RBFOX2: variants seen among roughly 807,000 people sequenced by gnomAD.
RBFOX2 encodes RNA binding protein fox-1 homolog 2.
Under a neutral mutation model 49.1 loss-of-function variants are expected in RBFOX2, and 10 were observed. The observed-to-expected ratio is 0.20, with a 90% CI of 0.13 to 0.35. The LOEUF (loss-of-function observed/expected upper bound fraction) is 0.35. Ranked by LOEUF, RBFOX2 falls within the 10% of genes least tolerant of loss-of-function variation. The pLI is 1.00. For synonymous variants in RBFOX2, 183 were observed against 187.4 expected, an observed-to-expected ratio of 0.98 and a Z score of 0.19; for missense variants, 323 against 486.9, an observed-to-expected ratio of 0.66 and a Z score of 3.17.
rs1491288720 is a variant in RBFOX2, at chr22:35,877,302, AAG to A, written c.-34+61543_-34+61544del. Among the ~76,000 whole-genome samples, 9 of 152,340 alleles carry A rather than the reference AAG, an allele frequency of 5.9e-5. No individual in the cohort carries two copies. In the East Asian group the frequency reaches 9.6e-4, roughly 16 times the overall value. On this transcript the variant is annotated intron_variant, in intron 1 of 13. Coordinates refer to the RBFOX2 transcript ENST00000359369. ...GGAAGGGAGAAAGGAAGAGAAAAAAAAGAGGGGAAAATGTGGATATATAAAAG... is the reference window on the plus strand; with the variant it reads ...GGAAGGGAGAAAGGAAGAGAAAAAAAAGGGGAAAATGTGGATATATAAAAG...
intron 1 of RBFOX2, among the ~76,000 whole-genome samples, chr22:35,904,408 C>A (rs1044504820): frequency 6.6e-6 from 1 of 152,178 alleles, no homozygotes; most frequent in Admixed American, 6.5e-5. Flanking sequence ...TATCCTTTGA[C>A]TTTTTGTTAG....
chr22:35,927,843 T>A (rs2051858050), intron 1 of RBFOX2, among the ~76,000 whole-genome samples: 1 of 152,176 alleles, frequency 6.6e-6, no homozygotes, highest in Non-Finnish European at 1.5e-5. Flanking sequence ...AAGACCTCTT[T>A]TTCTTGGAGA....
In RBFOX2 at chr22:35,753,397, G is replaced by A. The variant is rs190403074; in HGVS notation, c.887+6491C>T. Among the ~76,000 whole-genome samples the A allele has an allele frequency of 3.3e-5, 5 of 152,314 alleles. No homozygotes were observed. The East Asian group carries it at 9.6e-4, about 29-fold the overall frequency. The stretch of plus-strand genomic sequence containing the variant: ...CAGTTGTATTAGGCCTAACTCAGTA[G>A]TTACCTCATAAAGTATTCTTGCTTT... On this transcript the variant is annotated intron_variant, in intron 9 of 11. Transcript: ENST00000405409.
chr22:35,977,508 A>T (rs977754868), intron 1 of RBFOX2, among the ~76,000 whole-genome samples: 8 of 151,970 alleles, frequency 5.3e-5, no homozygotes, highest in African/African-American at 1.9e-4. Flanking sequence ...TGGCAAAATC[A>T]TAGGAACAGA....
intron 9 of RBFOX2, among the ~76,000 whole-genome samples, chr22:35,752,017 G>A (rs189681777): frequency 6.6e-6 from 1 of 152,302 alleles, no homozygotes; most frequent in Non-Finnish European, 1.5e-5. Context: ...TAACAAGTAT[G>A]CTATTATCCA....
intron 1 of RBFOX2, among the ~76,000 whole-genome samples, chr22:35,852,499 A>G (rs2042055938): frequency 1.3e-5 from 2 of 152,018 alleles, no homozygotes; most frequent in African/African-American, 4.8e-5. Context: ...AAAAAAAAAA[A>G]AAAAAAGAAT....
intron 1 of RBFOX2, among the ~76,000 whole-genome samples, chr22:35,911,203 CTTAAG>C (rs1442014823): frequency 2.0e-5 from 3 of 152,152 alleles, no homozygotes; most frequent in African/African-American, 7.2e-5. Flanking sequence ...CCCCCAGGTA[CTTAAG>C]TTAAGCTACT....
chr22:35,850,166 G>A lies in RBFOX2; in HGVS notation c.-33-40162C>T, dbSNP rs183285746. Among the ~76,000 whole-genome samples the A allele has an allele frequency of 2.6e-4, 38 of 147,534 alleles. No homozygotes were observed. The South Asian group carries it at 6.4e-3, about 25-fold the overall frequency. ...GCGGGGAGCATGTACCCGTGTGCAC[G>A]CATGCGCATTCTCTGTCTCTCTCTC... is the stretch of plus-strand genomic sequence containing the variant. On this transcript the variant is annotated intron_variant, in intron 1 of 13. Transcript: ENST00000359369.
chr22:35,753,335 C>G (rs1374545337), intron 9 of RBFOX2, among the ~76,000 whole-genome samples: 1 of 152,176 alleles, frequency 6.6e-6, no homozygotes, highest in Non-Finnish European at 1.5e-5. Context: ...TTTGCTCCCT[C>G]ACATGTGGAA....
At chr22:35,980,739 T>C (rs898476004) in intron 1 of RBFOX2, among the ~76,000 whole-genome samples, 6 of 151,972 alleles carry the variant, frequency 3.9e-5, no homozygotes, top group African/African-American at 1.5e-4. Flanking sequence ...GAAGACCCAA[T>C]AGTAAATATG....
chr22:35,946,930 A>T (rs1339927898), intron 1 of RBFOX2, among the ~76,000 whole-genome samples: 2 of 152,178 alleles, frequency 1.3e-5, no homozygotes, highest in African/African-American at 4.8e-5. Context: ...AGTGGCTCAC[A>T]TCTGTAATCC....
At chr22:35,763,468 A>C (rs1229667269) in intron 6 of RBFOX2, among the ~76,000 whole-genome samples, 1 of 152,200 alleles carries the variant, frequency 6.6e-6, no homozygotes, top group Non-Finnish European at 1.5e-5. Context: ...AGGCTGAGGC[A>C]CGAGTATCGC....
intron 2 of RBFOX2, among the ~76,000 whole-genome samples, chr22:35,796,142 A>G (rs965460374): frequency 6.6e-6 from 1 of 152,136 alleles, no homozygotes; most frequent in African/African-American, 2.4e-5. Context: ...CCTGGCCTAC[A>G]AAGAAAAGAA....
chr22:35,889,337 A>G (rs954462618), intron 1 of RBFOX2, among the ~76,000 whole-genome samples: 2 of 152,146 alleles, frequency 1.3e-5, no homozygotes, highest in African/African-American at 4.8e-5. Context: ...CTAGGTGGCC[A>G]TGTAAGCAAT....
chr22:35,971,806 G>A (rs182743945), intron 1 of RBFOX2, among the ~76,000 whole-genome samples: 475 of 150,262 alleles, frequency 3.2e-3, no homozygotes, highest in Non-Finnish European at 5.7e-3. Flanking sequence ...GGCCTTCTTG[G>A]TCAGCCCCAT....
chr22:36,027,233 C>T (rs1234441585), intron 1 of RBFOX2, among the ~76,000 whole-genome samples: 1 of 152,120 alleles, frequency 6.6e-6, no homozygotes, highest in African/African-American at 2.4e-5. Flanking sequence ...GGTTAAGAAC[C>T]CCTGGAAAAG....
intron 1 of RBFOX2, chr22:35,821,668 G>A: frequency 2.0e-6 from 1 of 491,380 alleles, no homozygotes; most frequent in Non-Finnish European, 4.0e-6. Context: ...TCAGTCCTTT[G>A]AGGACTGACC....
At chr22:35,902,096 A>G (rs1340330096) in intron 1 of RBFOX2, among the ~76,000 whole-genome samples, 3 of 151,890 alleles carry the variant, frequency 2.0e-5, no homozygotes, top group Non-Finnish European at 2.9e-5. Context: ...AAAAGAGAAG[A>G]AAAGCTGCAT....
chr22:35,752,578 T>A, intron 9 of RBFOX2: 1 of 958,472 alleles, frequency 1.0e-6, no homozygotes, highest in South Asian at 4.8e-5. Flanking sequence ...CAATCCACAA[T>A]CTGATTGATT....
Sources: allele counts gnomAD v4.1 joint callset (sites outside exome capture counted in the v4.1 genomes callset), GRCh38; gene constraint gnomAD v4.1.1; transcripts MANE v1.5; gene names NCBI Gene and HGNC (gene_info 2026-07-23, HGNC 2026-07-21).